The following PLEKHA4 variants were observed in gnomAD, a reference collection of about 807,000 sequenced individuals.
The protein encoded by PLEKHA4 is pleckstrin homology domain-containing family A member 4.
Under a neutral mutation model 94.7 loss-of-function variants are expected in PLEKHA4, and 73 were observed. That is an observed-to-expected ratio of 0.77 (90% CI 0.64 to 0.94). PLEKHA4 has a LOEUF of 0.94. Ranked by LOEUF, PLEKHA4 falls within the 40% of genes least tolerant of loss-of-function variation. The pLI is 0.00. For missense variants in PLEKHA4, 1,049 were observed against 1,054.1 expected, an observed-to-expected ratio of 1.00 and a Z score of 0.07; for synonymous variants, 449 against 437.1, an observed-to-expected ratio of 1.03 and a Z score of -0.34.
Position 48,865,666 on chromosome 19 carries a change from G to A in PLEKHA4, c.85-56C>T, listed in dbSNP as rs565093173. On this transcript the variant is annotated intron_variant, in intron 2 of 19. Coordinates refer to ENST00000263265, the MANE Select transcript of PLEKHA4 (RefSeq NM_020904.3). ...GGAGAGCCTAGGATGGTCCTGGGAGGGGGTGAGGGTGGACACAGGCAACCG... is the reference window on the plus strand; with the variant it reads ...GGAGAGCCTAGGATGGTCCTGGGAGAGGGTGAGGGTGGACACAGGCAACCG... 8.9e-5 allele frequency: 116 copies of A among 1,308,468 alleles called. 1 individual carries two copies. The South Asian group carries it at 1.4e-3, about 15-fold the overall frequency. The allele number at this position is 1,308,468 out of a possible 1,614,324, so 81.1% of individuals were successfully genotyped here.
Position 48,837,381 on chromosome 19 carries a change from GC to G in PLEKHA4, c.2247del (p.Ala751ArgfsTer85). 6.2e-7 allele frequency: 1 copy of G among 1,613,728 alleles called. No individual in the cohort carries two copies. The part of the protein sequence containing the change: ...SGRGGGPTPW[G>X]PAWDAGIAPP... ...GGGGCGATCCCGGCATCCCACGCGG[GC>G]CCCCAGGGGGTGGGACCTCCTCCAC... On this transcript the variant is annotated frameshift_variant, in exon 20 of 20. Coordinates refer to ENST00000263265, the MANE Select transcript of PLEKHA4 (RefSeq NM_020904.3). LOFTEE classifies it high-confidence loss of function. This position sits in a 1 kb window ranked among gnomAD's most constrained non-coding sequence, Gnocchi z 4.3.
intron 16 of PLEKHA4, among the ~76,000 whole-genome samples, chr19:48,842,530 A>G (rs1011933286): frequency 3.3e-5 from 5 of 152,120 alleles, no homozygotes; most frequent in Non-Finnish European, 5.9e-5. Flanking sequence ...TACACATCCA[A>G]TTGTTTTAAA....
intron 17 of PLEKHA4, among the ~76,000 whole-genome samples, chr19:48,840,055 T>G (rs1220321660): frequency 6.6e-6 from 1 of 150,548 alleles, no homozygotes; most frequent in African/African-American, 2.4e-5. Flanking sequence ...TCGCAGTGAG[T>G]CGAGATTCCA....
At chr19:48,851,214 A>C (rs1248351847) in intron 13 of PLEKHA4, among the ~76,000 whole-genome samples, 1 of 152,076 alleles carries the variant, frequency 6.6e-6, no homozygotes, top group Non-Finnish European at 1.5e-5. Flanking sequence ...GGGGATGGAC[A>C]CCCCATTTTC....
At position 48,858,871 on chromosome 19, in the gene PLEKHA4, G is replaced by T. The variant is rs781059310; in HGVS notation, c.961C>A (p.Pro321Thr). The stretch of plus-strand genomic sequence containing the variant: ...ACCTCTCTGCTCACCTGTGTTCTGG[G>T]CTCCTGACTCCAGTGCTGGGGACTC... ...PRSPQHWSQE[P>T]RTQAHSGSPT... The change falls in exon 8 of 20, where the codon CCC becomes ACC. Residue 321 changes from proline to threonine, a missense_variant. Transcript: ENST00000263265. The T allele has an allele frequency of 6.2e-7, 1 of 1,612,938 alleles. No individual in the cohort carries two copies. Among genetic ancestry groups the T allele is most frequent in the Non-Finnish European group, 8.5e-7 (1 of 1,179,688 alleles).
chr19:48,856,303 G>C (rs1599906702), intron 9 of PLEKHA4, among the ~76,000 whole-genome samples: 1 of 151,648 alleles, frequency 6.6e-6, no homozygotes, highest in South Asian at 2.1e-4. Flanking sequence ...AGGAAGGAAG[G>C]CCAGTCGCGG....
intron 7 of PLEKHA4, 41 bp downstream of exon 7, chr19:48,859,428 T>C: frequency 7.5e-6 from 12 of 1,605,498 alleles, no homozygotes; most frequent in Non-Finnish European, 8.5e-6. Context: ...GGCCCTGCCC[T>C]TCTCTTAGGC....
rs1253215178 is a variant in PLEKHA4 at position 48,859,613 on chromosome 19, A to G, written c.548T>C (p.Val183Ala). 2 of 1,612,772 alleles carry G rather than the reference A, an allele frequency of 1.2e-6. No individual in the cohort carries two copies. The highest frequency in any genetic ancestry group is 1.7e-6 in the Non-Finnish European group (2 of 1,179,880). Residue 183 changes from valine (V) to alanine (A), a missense_variant, in exon 7 of 20, where the codon GTG (valine) becomes GCG (alanine). Coordinates refer to ENST00000263265, the MANE Select transcript of PLEKHA4 (RefSeq NM_020904.3). The stretch of plus-strand genomic sequence containing the variant: ...GATGCGCCCCTCTTCCCCTCTGCTC[A>G]CCTCCGGGGGACCACCGGGGCCGCC... ...GPGGPGGPPE[V>A]SRGEEGRISE...
intron 3 of PLEKHA4, among the ~76,000 whole-genome samples, chr19:48,864,872 C>T (rs2036776838): frequency 6.6e-6 from 1 of 152,192 alleles, no homozygotes; most frequent in South Asian, 2.1e-4. Flanking sequence ...CCCTATGTTA[C>T]TTCTTCATAG....
chr19:48,844,966 C>G (rs1193580124), intron 16 of PLEKHA4, among the ~76,000 whole-genome samples: 3 of 151,958 alleles, frequency 2.0e-5, no homozygotes, highest in African/African-American at 4.8e-5. Context: ...AGGCGCCCAC[C>G]ACCACGCCTG....
chr19:48,852,470 C>A, intron 12 of PLEKHA4, 144 bp from the exon 13 acceptor site: 2 of 637,426 alleles, frequency 3.1e-6, no homozygotes, highest in Admixed American at 2.9e-5. Flanking sequence ...TTCCCATGGG[C>A]CTCTTTGCTT....
intron 3 of PLEKHA4, among the ~76,000 whole-genome samples, chr19:48,864,684 C>T (rs2036769105): frequency 6.6e-6 from 1 of 152,102 alleles, no homozygotes. Flanking sequence ...CCTTAGCCTC[C>T]CGAGTAGCTG....
intron 3 of PLEKHA4, 55 bp downstream of exon 3, chr19:48,865,446 CAG>C: frequency 1.5e-6 from 2 of 1,357,304 alleles, no homozygotes; most frequent in Non-Finnish European, 2.1e-6. Flanking sequence ...AGGAGAGAGA[CAG>C]AGGACAGCCG....
intron 16 of PLEKHA4, among the ~76,000 whole-genome samples, chr19:48,842,420 A>G (rs1161188956): frequency 6.6e-6 from 1 of 152,126 alleles, no homozygotes; most frequent in Non-Finnish European, 1.5e-5. Context: ...AAGTGCTGGG[A>G]TTACAGGCGT....
intron 9 of PLEKHA4, among the ~76,000 whole-genome samples, chr19:48,854,696 C>CTT (rs397859722): frequency 2.0e-4 from 16 of 81,360 alleles, no homozygotes; most frequent in Non-Finnish European, 2.9e-4. Context: ...CATGCCTGGC[C>CTT]TTTTTTTTTT....
intron 12 of PLEKHA4, 100 bp from the exon 13 acceptor site, chr19:48,852,426 G>A: frequency 2.2e-6 from 2 of 891,970 alleles, no homozygotes; most frequent in Non-Finnish European, 3.6e-6. Context: ...AAGGGAGTTT[G>A]GTCCCTGGAG....
chr19:48,840,558 T>G (rs958648625), intron 17 of PLEKHA4, among the ~76,000 whole-genome samples: 4 of 151,714 alleles, frequency 2.6e-5, no homozygotes, highest in Admixed American at 2.0e-4. Flanking sequence ...CCCAAGGAGC[T>G]GGGATTACAG....
intron 3 of PLEKHA4, among the ~76,000 whole-genome samples, chr19:48,864,654 G>A (rs1296862299): frequency 6.6e-6 from 1 of 152,086 alleles, no homozygotes; most frequent in Admixed American, 6.6e-5. Flanking sequence ...TCAGCCTCCT[G>A]GGCTTCAGCA....
intron 9 of PLEKHA4, among the ~76,000 whole-genome samples, chr19:48,854,505 A>G (rs1320406243): frequency 1.3e-5 from 2 of 151,942 alleles, no homozygotes; most frequent in Non-Finnish European, 2.9e-5. Context: ...AGTAGCTGGG[A>G]CCACAGGCGC....
Sources: allele counts gnomAD v4.1 joint callset (sites outside exome capture counted in the v4.1 genomes callset), GRCh38; gene constraint gnomAD v4.1.1; non-coding constraint Gnocchi (gnomAD v3.1); transcripts MANE v1.5; gene names NCBI Gene and HGNC (gene_info 2026-07-23, HGNC 2026-07-21).